The following LINGO2 variants were observed in gnomAD, a reference collection of about 807,000 sequenced individuals.
LINGO2 encodes the protein leucine-rich repeat and immunoglobulin-like domain-containing nogo receptor-interacting protein 2.
LINGO2 carries 14 observed loss-of-function variants against 30.6 expected under a neutral mutation model. The observed-to-expected ratio is 0.46, with a 90% CI of 0.30 to 0.72. The LOEUF is 0.72. Among genes scored for constraint, LINGO2 ranks in the 30% least tolerant of loss-of-function variants. The pLI is 0.07. For missense variants in LINGO2, 729 were observed against 751.7 expected (o/e 0.97, Z 0.35); for synonymous variants, 317 against 288.5 (o/e 1.10, Z -1.00).
At chr9:29,154,931 A>G in the LINGO2 span, among the ~76,000 whole-genome samples, 2 of 152,196 alleles carry the variant, frequency 1.3e-5, no homozygotes, top group East Asian at 3.8e-4. Flanking sequence ...AGTCCCACTG[A>G]CTGGGCCATT....
the LINGO2 span, among the ~76,000 whole-genome samples, chr9:28,732,680 G>C: frequency 6.6e-6 from 1 of 152,152 alleles, no homozygotes; most frequent in African/African-American, 2.4e-5. Context: ...TAGCTGAGGA[G>C]ACATAGCTGG....
At chr9:29,082,378 T>C in the LINGO2 span, among the ~76,000 whole-genome samples, 2 of 152,206 alleles carry the variant, frequency 1.3e-5, no homozygotes, top group East Asian at 1.9e-4. Context: ...GCTAGCCATA[T>C]GTAGAAAGCT....
intron 2 of LINGO2, among the ~76,000 whole-genome samples, chr9:28,460,754 A>G (rs1467667315): frequency 6.6e-6 from 1 of 152,104 alleles, no homozygotes; most frequent in Non-Finnish European, 1.5e-5. Flanking sequence ...AAGAAGTGGT[A>G]TGATAGATGG....
the LINGO2 span, among the ~76,000 whole-genome samples, chr9:28,992,550 A>G: frequency 6.6e-6 from 1 of 152,150 alleles, no homozygotes; most frequent in African/African-American, 2.4e-5. Context: ...CCCCAAATCA[A>G]CAGAATATAT....
At chr9:28,323,243 C>T (rs1340006060) in intron 3 of LINGO2, among the ~76,000 whole-genome samples, 1 of 152,182 alleles carries the variant, frequency 6.6e-6, no homozygotes, top group Non-Finnish European at 1.5e-5. Context: ...TTACCTATAG[C>T]TCTCACATTC....
At chr9:28,752,194 C>T in the LINGO2 span, among the ~76,000 whole-genome samples, 8,082 of 151,792 alleles carry the variant, frequency 0.053, 318 homozygotes, top group East Asian at 0.16. Context: ...AAGTATTGGG[C>T]TCCTGGTGGC....
chr9:29,047,420 G>T, the LINGO2 span, among the ~76,000 whole-genome samples: 1 of 152,236 alleles, frequency 6.6e-6, no homozygotes, highest in African/African-American at 2.4e-5. Context: ...ATAAGAGAAT[G>T]CTAATACATT....
intron 5 of LINGO2, among the ~76,000 whole-genome samples, chr9:28,003,847 T>C (rs1239295171): frequency 2.0e-5 from 3 of 152,166 alleles, no homozygotes; most frequent in Admixed American, 6.5e-5. Flanking sequence ...CCTAACAACA[T>C]TAAGTGAGGA....
the LINGO2 span, among the ~76,000 whole-genome samples, chr9:28,936,097 T>C: frequency 6.6e-6 from 1 of 152,176 alleles, no homozygotes. Flanking sequence ...GCCAATACCC[T>C]TAATTATTCA....
At chr9:28,828,459 A>G in the LINGO2 span, among the ~76,000 whole-genome samples, 2 of 152,236 alleles carry the variant, frequency 1.3e-5, no homozygotes, top group Non-Finnish European at 2.9e-5. Context: ...TATAACAACT[A>G]TAATGTGATA....
intron 1 of LINGO2, among the ~76,000 whole-genome samples, chr9:28,533,671 C>T (rs570526031): frequency 1.1e-4 from 17 of 152,168 alleles, no homozygotes; most frequent in Middle Eastern, 3.4e-3. Flanking sequence ...CAGGGTTGTG[C>T]CCTTGAAGAG....
At chr9:28,494,564 T>C (rs1402319169) in intron 1 of LINGO2, among the ~76,000 whole-genome samples, 1 of 152,230 alleles carries the variant, frequency 6.6e-6, no homozygotes, top group Non-Finnish European at 1.5e-5. Context: ...TTTTTATGGC[T>C]GCATAATATT....
chr9:28,292,498 T>C (rs1823766711), intron 4 of LINGO2, among the ~76,000 whole-genome samples: 3 of 152,346 alleles, frequency 2.0e-5, no homozygotes, highest in East Asian at 3.9e-4. Context: ...AGTCTTGCTC[T>C]GTCACCCAGG....
intron 2 of LINGO2, among the ~76,000 whole-genome samples, chr9:28,421,421 A>G (rs1230459796): frequency 2.7e-5 from 2 of 74,044 alleles, no homozygotes; most frequent in Admixed American, 1.7e-4. Flanking sequence ...TTTTTGCAGA[A>G]AAAAAAAAAG....
chr9:28,642,414 G>A (rs1365171658), intron 1 of LINGO2, among the ~76,000 whole-genome samples: 3 of 152,002 alleles, frequency 2.0e-5, no homozygotes, highest in Admixed American at 6.6e-5. Flanking sequence ...CATACATTTC[G>A]AGGATCAAAA....
At chr9:28,837,147 A>C in the LINGO2 span, among the ~76,000 whole-genome samples, 2 of 152,206 alleles carry the variant, frequency 1.3e-5, no homozygotes, top group Non-Finnish European at 2.9e-5. Flanking sequence ...GTTCAAGCCA[A>C]GAGCTAGGAT....
the LINGO2 span, among the ~76,000 whole-genome samples, chr9:28,932,976 C>T: frequency 6.6e-6 from 1 of 151,638 alleles, no homozygotes; most frequent in Non-Finnish European, 1.5e-5. Flanking sequence ...GTGTGATTTC[C>T]ACTCACTGCA....
the LINGO2 span, among the ~76,000 whole-genome samples, chr9:28,715,007 T>C: frequency 1.3e-5 from 2 of 152,298 alleles, 1 homozygote; most frequent in African/African-American, 4.8e-5. Context: ...CATCTGTATC[T>C]TTTGTATTTT....
chr9:28,170,319 A>G (rs1163246522), intron 4 of LINGO2, among the ~76,000 whole-genome samples: 3 of 152,218 alleles, frequency 2.0e-5, no homozygotes, highest in African/African-American at 7.2e-5. Context: ...TTCACAAGGT[A>G]GTTATTATTA....
Sources: gnomAD v4.1 joint callset for allele counts (sites outside exome capture counted in the v4.1 genomes callset) on GRCh38, gnomAD v4.1.1 for gene constraint, MANE v1.5 for transcripts, NCBI Gene and HGNC (gene_info 2026-07-23, HGNC 2026-07-21) for gene names.